Variants in EPHA4 observed in about 807,000 individuals in gnomAD.
EPHA4 encodes EPH receptor A4, also known as ephrin type-A receptor 4.
A neutral mutation model predicts 108.3 loss-of-function variants in EPHA4; 19 were observed. The ratio of observed to expected loss-of-function variants is 0.18; its 90% CI spans 0.12 to 0.26. The LOEUF (loss-of-function observed/expected upper bound fraction) is 0.26. Ranked by LOEUF, EPHA4 falls within the 10% of genes least tolerant of loss-of-function variation. The pLI is 1.00. For missense variants in EPHA4, 917 were observed against 1,254.0 expected, an observed-to-expected ratio of 0.73 and a Z score of 4.06; for synonymous variants, 449 against 455.5, an observed-to-expected ratio of 0.99 and a Z score of 0.18.
At chr2:221,503,100 A>T (rs996900945) in intron 3 of EPHA4, among the ~76,000 whole-genome samples, 3 of 152,210 alleles carry the variant, frequency 2.0e-5, no homozygotes, top group Non-Finnish European at 4.4e-5. Flanking sequence ...TGAGCCTCTG[A>T]ACAGGAACAC....
chr2:221,468,196 A>G (rs918473401), intron 5 of EPHA4, among the ~76,000 whole-genome samples: 3 of 151,866 alleles, frequency 2.0e-5, no homozygotes, highest in Non-Finnish European at 4.4e-5. Context: ...TCCATGACCT[A>G]CAATGCCCTC....
At chr2:221,563,322 T>C (rs1015923298) in intron 3 of EPHA4, among the ~76,000 whole-genome samples, 1 of 152,206 alleles carries the variant, frequency 6.6e-6, no homozygotes, top group African/African-American at 2.4e-5. Flanking sequence ...CACGCACTTA[T>C]GCAGAAGACG....
intron 8 of EPHA4, among the ~76,000 whole-genome samples, chr2:221,453,471 A>T (rs1421786985): frequency 1.3e-5 from 2 of 152,228 alleles, no homozygotes; most frequent in Non-Finnish European, 2.9e-5. Flanking sequence ...ATACAAAACT[A>T]AATGGCAATG....
Position 221,516,352 on chromosome 2 carries a change from ATT to A in EPHA4, c.824-15182_824-15181del, listed in dbSNP as rs10606305. On this transcript the variant is annotated intron_variant, in intron 3 of 17. Coordinates refer to ENST00000281821, the MANE Select transcript of EPHA4 (RefSeq NM_004438.5). The stretch of plus-strand genomic sequence containing the variant: ...TTCCCATGATCTGATAGATTCAATG[ATT>A]TTTTTTTTTTTTTTTTTTGAGACGC... 9.2e-3 allele frequency among the ~76,000 whole-genome samples: 1,131 copies of A among 123,300 alleles called. 3 individuals carry two copies. Among genetic ancestry groups the A allele is most frequent in the African/African-American group, 0.022 (639 of 29,644 alleles). 80.9% of individuals were successfully genotyped at this position (123,300 alleles called of 152,430 possible). A position where few individuals can be genotyped will look rare whatever the true frequency, so the allele number is the denominator to read the frequency against.
At chr2:221,439,196 GT>G (rs1317278788) in intron 11 of EPHA4, among the ~76,000 whole-genome samples, 1 of 152,134 alleles carries the variant, frequency 6.6e-6, no homozygotes, top group African/African-American at 2.4e-5. Flanking sequence ...CAGACCAAAG[GT>G]GCATAAAACC....
At chr2:221,539,610 C>G (rs2106189704) in intron 3 of EPHA4, among the ~76,000 whole-genome samples, 1 of 152,236 alleles carries the variant, frequency 6.6e-6, no homozygotes, top group East Asian at 1.9e-4. Context: ...AGCTTGGAGA[C>G]CTATCCTAAA....
chr2:221,482,745 C>T, intron 4 of EPHA4, 55 bp from the exon 5 acceptor site: 1 of 1,464,428 alleles, frequency 6.8e-7, no homozygotes, highest in Non-Finnish European at 9.2e-7. Flanking sequence ...CTTTTGGAAT[C>T]TCTCAGAGTT....
intron 4 of EPHA4, among the ~76,000 whole-genome samples, chr2:221,487,110 T>C (rs1438003228): frequency 1.3e-5 from 2 of 149,134 alleles, no homozygotes. Flanking sequence ...TTACTTCTGC[T>C]GGGAGAGATT....
intron 3 of EPHA4, among the ~76,000 whole-genome samples, chr2:221,544,026 A>G (rs1315412224): frequency 6.6e-6 from 1 of 152,156 alleles, no homozygotes; most frequent in Non-Finnish European, 1.5e-5. Context: ...ATATCCTGAC[A>G]TGGTAAAGGG....
intron 5 of EPHA4, among the ~76,000 whole-genome samples, chr2:221,461,317 T>C (rs1015453581): frequency 1.3e-5 from 2 of 152,236 alleles, no homozygotes; most frequent in African/African-American, 4.8e-5. Context: ...TCTTGAATCC[T>C]GATTTGCAAT....
intron 15 of EPHA4, among the ~76,000 whole-genome samples, chr2:221,427,562 A>C (rs1177910720): frequency 1.3e-5 from 2 of 152,210 alleles, no homozygotes; most frequent in Admixed American, 1.3e-4. Flanking sequence ...ACCTTTACTT[A>C]TAATAACCTG....
chr2:221,557,404 T>TG (rs58797304), intron 3 of EPHA4, among the ~76,000 whole-genome samples: 15,071 of 152,060 alleles, frequency 0.099, 1,114 homozygotes, highest in East Asian at 0.37. Context: ...AAAATAAGAG[T>TG]AACAATTTTC....
chr2:221,463,494 G>A (rs1246514226), intron 5 of EPHA4, among the ~76,000 whole-genome samples: 2 of 152,162 alleles, frequency 1.3e-5, no homozygotes, highest in African/African-American at 4.8e-5. Context: ...CTCTCTGTGT[G>A]TGTTTTTGAT....
chr2:221,425,811 A>G lies in EPHA4; in HGVS notation c.*217T>C, dbSNP rs1338694200. The G allele has an allele frequency of 3.7e-6, 2 of 542,582 alleles. No homozygotes were observed. Among genetic ancestry groups the G allele is most frequent in the African/African-American group, 1.9e-5 (1 of 52,474 alleles). 33.6% of individuals were successfully genotyped at this position (542,582 alleles called of 1,614,324 possible). A position where few individuals can be genotyped will look rare whatever the true frequency, so the allele number is the denominator to read the frequency against. ...AACAGAAAAGTACTTCTGAGAAACG[A>G]TTTGTTCCAGGTCTCATTCAAATGA... On this transcript the variant is annotated 3_prime_UTR_variant, in exon 17 of 18. Coordinates refer to ENST00000281821, the MANE Select transcript of EPHA4 (RefSeq NM_004438.5).
chr2:221,474,620 C>T (rs181863269), intron 5 of EPHA4, among the ~76,000 whole-genome samples: 1 of 152,226 alleles, frequency 6.6e-6, no homozygotes, highest in East Asian at 1.9e-4. Context: ...CTACCGATTC[C>T]CTACTAACAA....
chr2:221,557,635 A>C (rs1255987038), intron 3 of EPHA4, among the ~76,000 whole-genome samples: 1 of 152,226 alleles, frequency 6.6e-6, no homozygotes, highest in Non-Finnish European at 1.5e-5. Context: ...TGTTAACTTC[A>C]TGTGCTGCAG....
intron 3 of EPHA4, among the ~76,000 whole-genome samples, chr2:221,507,574 T>G (rs897515725): frequency 4.6e-5 from 7 of 152,190 alleles, no homozygotes; most frequent in African/African-American, 1.7e-4. Flanking sequence ...TTTTTTTAAT[T>G]TCTGAGCCAC....
At chr2:221,565,360 CT>C (rs1559296323) in intron 2 of EPHA4, among the ~76,000 whole-genome samples, 1 of 152,190 alleles carries the variant, frequency 6.6e-6, no homozygotes, top group East Asian at 1.9e-4. Context: ...AGCAGCAAAA[CT>C]TTTGGGACTC....
chr2:221,565,195 G>A (rs989809641), intron 2 of EPHA4, among the ~76,000 whole-genome samples: 2 of 152,202 alleles, frequency 1.3e-5, no homozygotes, highest in Non-Finnish European at 2.9e-5. Context: ...AGCAAGTGCT[G>A]TTTATGACTG....
Sources: allele counts gnomAD v4.1 joint callset (sites outside exome capture counted in the v4.1 genomes callset), GRCh38; gene constraint gnomAD v4.1.1; transcripts MANE v1.5; gene names NCBI Gene and HGNC (gene_info 2026-07-23, HGNC 2026-07-21).